The following ASPA variants were observed in gnomAD, a reference collection of about 807,000 sequenced individuals.
ASPA encodes the protein ACY-2.
In ASPA, 25 loss-of-function variants were observed where a neutral mutation model predicts 29.6. The ratio of observed to expected loss-of-function variants is 0.85; its 90% CI spans 0.62 to 1.18. ASPA has a LOEUF of 1.18. Among genes scored for constraint, ASPA ranks in the 50% most tolerant of loss-of-function variants. ASPA has a pLI of 0.00. For synonymous variants in ASPA, 131 were observed against 130.3 expected (o/e 1.01, Z -0.04); for missense variants, 333 against 385.7 (o/e 0.86, Z 1.14).
At chr17:3,486,405 T>C (rs1349760416) in intron 3 of ASPA, among the ~76,000 whole-genome samples, 3 of 152,190 alleles carry the variant, frequency 2.0e-5, no homozygotes, top group Non-Finnish European at 4.4e-5. Context: ...AGAAGATCCA[T>C]GAAGAATCCT....
At chr17:3,483,461 G>T in intron 2 of ASPA, 38 bp from the exon 3 acceptor site, 1 of 1,552,200 alleles carries the variant, frequency 6.4e-7, no homozygotes, top group Non-Finnish European at 8.9e-7. Context: ...CAAAACATAC[G>T]GTTTTTACCT....
At chr17:3,496,889 A>G (rs1257130157) in intron 5 of ASPA, among the ~76,000 whole-genome samples, 5 of 151,972 alleles carry the variant, frequency 3.3e-5, no homozygotes, top group Admixed American at 3.3e-4. Flanking sequence ...ACACGGTGAA[A>G]CCCCATCTCT....
chr17:3,475,102 G>C (rs931716908), upstream of ASPA, among the ~76,000 whole-genome samples: 2 of 152,110 alleles, frequency 1.3e-5, no homozygotes, highest in Admixed American at 6.5e-5. Context: ...AAACAACCTG[G>C]CGTTACTAGT....
chr17:3,478,194 A>T (rs1971292), intron 1 of ASPA, among the ~76,000 whole-genome samples: 94,098 of 150,978 alleles, frequency 0.62, 29,523 homozygotes, highest in East Asian at 0.69. Flanking sequence ...CAAAAAAAAA[A>T]ATATATATAT....
At chr17:3,491,703 A>C (rs1306975905) in intron 4 of ASPA, among the ~76,000 whole-genome samples, 3 of 151,980 alleles carry the variant, frequency 2.0e-5, no homozygotes, top group Non-Finnish European at 4.4e-5. Context: ...AGCCGAGTTC[A>C]TGCCACTGCA....
At position 3,499,016 on chromosome 17, in the gene ASPA, A is replaced by G; in HGVS notation, c.870A>G (p.Glu290=). The G allele has an allele frequency of 2.5e-6, 4 of 1,614,136 alleles. No individual in the cohort carries two copies. The highest frequency in any genetic ancestry group is 3.4e-6 in the Non-Finnish European group (4 of 1,179,942). The change falls in exon 6 of 6, where the codon GAA becomes GAG. Residue 290 remains glutamate, a synonymous_variant. Transcript: ENST00000263080. ...PVFVNEAAYY[E]KKEAFAKTTK... ...TTGTGAATGAGGCCGCATATTACGAAAAGAAAGAAGCTTTTGCAAAGACAA... is the reference window on the plus strand; with the variant it reads ...TTGTGAATGAGGCCGCATATTACGAGAAGAAAGAAGCTTTTGCAAAGACAA...
chr17:3,476,198 G>A lies in ASPA; in HGVS notation c.39G>A (p.Lys13=). 6.2e-7 allele frequency: 1 copy of A among 1,614,008 alleles called. No individual in the cohort carries two copies. The highest frequency in any genetic ancestry group is 8.5e-7 in the Non-Finnish European group (1 of 1,180,006). The change falls in exon 1 of 6, where the codon AAG becomes AAA. Residue 13 remains lysine, a synonymous_variant. Transcript: ENST00000263080. ...ACATTGCTGAAGAACATATACAAAA[G>A]GTTGCTATCTTTGGAGGAACCCATG... The part of the protein sequence containing the change: ...SCHIAEEHIQ[K]VAIFGGTHGN...
intron 2 of ASPA, 113 bp downstream of exon 2, chr17:3,481,911 G>A: frequency 9.7e-7 from 1 of 1,033,564 alleles, no homozygotes; most frequent in Non-Finnish European, 1.4e-6. Context: ...GAGAAATGGG[G>A]TTTATTCCAT....
Position 3,489,257 on chromosome 17 carries a change from T to C in ASPA, c.549T>C (p.Pro183=). 1 of 1,612,742 alleles carries C rather than the reference T, an allele frequency of 6.2e-7. No individual in the cohort carries two copies. The highest frequency in any genetic ancestry group is 8.5e-7 in the Non-Finnish European group (1 of 1,179,574). ...YPVGIEVGPQ[P]QGVLRADILD... is the part of the protein sequence containing the mutation. ...TAGGTATAGAAGTTGGTCCTCAGCC[T>C]CAAGGGGTTCTGAGAGCTGATATCT... The change falls in exon 4 of 6, where the codon CCT becomes CCC. Residue 183 remains proline, a synonymous_variant. Transcript: ENST00000263080.
chr17:3,488,474 T>A lies in ASPA; in HGVS notation c.527-761T>A, dbSNP rs145400807. On this transcript the variant is annotated intron_variant, in intron 3 of 5. Transcript: ENST00000263080. The surrounding 1 kb of genome is among the most constrained non-coding windows in gnomAD (Gnocchi z 6.1). ...GAGTTTGAGACCAGCCTGACCAACA[T>A]GGTGAAACCCTGCCTCTACTAAAAA... Among the ~76,000 whole-genome samples the A allele has an allele frequency of 3.9e-5, 6 of 152,194 alleles. No individual in the cohort carries two copies. Among genetic ancestry groups the A allele is most frequent in the African/African-American group, 1.4e-4 (6 of 41,548 alleles).
In ASPA at chr17:3,487,060, ATGTGTGTGTGTGCG is replaced by A. The variant is rs2073736556; in HGVS notation, c.527-2162_527-2149del. On this transcript the variant is annotated intron_variant, in intron 3 of 5. Transcript: ENST00000263080. Reference sequence around the variant, plus strand: ...CATATTTGTGTGTGTGTGTGTGTTTATGTGTGTGTGTGCGTGTGTGTGTGTGATCATAAGAGTGG... The same window carrying A: ...CATATTTGTGTGTGTGTGTGTGTTTATGTGTGTGTGTGATCATAAGAGTGG... Among the ~76,000 whole-genome samples, 4 of 131,852 alleles carry A rather than the reference ATGTGTGTGTGTGCG, an allele frequency of 3.0e-5. No homozygotes were observed. In the South Asian group the frequency reaches 9.7e-4, roughly 32 times the overall value. The allele number at this position is 131,852 out of a possible 152,430, so 86.5% of individuals were successfully genotyped here. A position where few individuals can be genotyped will look rare whatever the true frequency, so the allele number is the denominator to read the frequency against.
chr17:3,486,214 G>A (rs546694161), intron 3 of ASPA, among the ~76,000 whole-genome samples: 138 of 152,272 alleles, frequency 9.1e-4, no homozygotes, highest in African/African-American at 3.1e-3. Flanking sequence ...GATTACAGGC[G>A]TGAGCCACCG....
chr17:3,497,372 C>CTT (rs2073926869), intron 5 of ASPA, among the ~76,000 whole-genome samples: 1 of 152,138 alleles, frequency 6.6e-6, no homozygotes, highest in Non-Finnish European at 1.5e-5. Flanking sequence ...AAACAGTGAA[C>CTT]TATAAATGGG....
intron 3 of ASPA, among the ~76,000 whole-genome samples, chr17:3,484,849 CCTAA>C (rs911945557): frequency 3.9e-5 from 6 of 152,116 alleles, no homozygotes; most frequent in African/African-American, 1.4e-4. Context: ...GCCCCAAACC[CCTAA>C]CTGATGACAT....
chr17:3,501,376 C>T lies in ASPA; in HGVS notation c.*2288C>T, dbSNP rs2073987663. ...AGTGAATTCCAACCCTCTTGGATGA[C>T]TCTGAGGAATTCGAGACTTGAGTAA... On this transcript the variant is annotated 3_prime_UTR_variant, in exon 6 of 6. Transcript: ENST00000263080. The T allele has an allele frequency of 6.6e-6, 1 of 152,234 alleles. No homozygotes were observed. The highest frequency in any genetic ancestry group is 1.9e-4 in the East Asian group (1 of 5,200). 9.4% of individuals were successfully genotyped at this position (152,234 alleles called of 1,614,324 possible). A position where few individuals can be genotyped will look rare whatever the true frequency, so the allele number is the denominator to read the frequency against.
chr17:3,481,939 G>A, intron 2 of ASPA, 141 bp downstream of exon 2: 1 of 760,008 alleles, frequency 1.3e-6, no homozygotes, highest in Non-Finnish European at 2.1e-6. Context: ...CTTGGTGGTT[G>A]GGGGGAAAGG....
chr17:3,495,546 GTTTGTTTTTGTTTTTGTTTTTGTT>G (rs149605858), intron 5 of ASPA, among the ~76,000 whole-genome samples: 7 of 151,162 alleles, frequency 4.6e-5, no homozygotes, highest in South Asian at 2.1e-4. Flanking sequence ...CTTAGGCAGT[GTTTGTTTTTGTTTTTGTTTTTGTT>G]TTTGTTTTTG....
chr17:3,503,227 G>GAATA lies in ASPA; in HGVS notation c.*4144_*4147dup, dbSNP rs971318275. 6.6e-6 allele frequency: 1 copy of GAATA among 152,080 alleles called. No homozygotes were observed. The highest frequency in any genetic ancestry group is 2.4e-5 in the African/African-American group (1 of 41,398). 9.4% of individuals were successfully genotyped at this position (152,080 alleles called of 1,614,324 possible). The stretch of plus-strand genomic sequence containing the variant: ...GGAATGAATGAATGAATGAATGAAT[G>GAATA]AATAAATATTATATATTTATACATT... On this transcript the variant is annotated 3_prime_UTR_variant, in exon 6 of 6. Transcript: ENST00000263080.
chr17:3,480,624 C>G (rs543604355), intron 1 of ASPA, among the ~76,000 whole-genome samples: 1 of 152,328 alleles, frequency 6.6e-6, no homozygotes, highest in Admixed American at 6.5e-5. Context: ...GGTTCAGAAT[C>G]TTGCGGCCCT....
Sources: gnomAD v4.1 joint callset for allele counts (sites outside exome capture counted in the v4.1 genomes callset) on GRCh38, gnomAD v4.1.1 for gene constraint, Gnocchi (gnomAD v3.1) non-coding constraint, MANE v1.5 for transcripts, NCBI Gene and HGNC (gene_info 2026-07-23, HGNC 2026-07-21) for gene names.